ADAM19: variants seen among roughly 807,000 people sequenced by gnomAD.
The protein encoded by ADAM19 is disintegrin and metalloproteinase domain-containing protein 19.
In ADAM19, 65 loss-of-function variants were observed where a neutral mutation model predicts 114.7. That is an observed-to-expected ratio of 0.57 (90% CI 0.46 to 0.70). ADAM19 has a LOEUF of 0.70. Among genes scored for constraint, ADAM19 ranks in the 30% least tolerant of loss-of-function variants. The pLI is 0.00. For missense variants in ADAM19, 1,063 were observed against 1,204.7 expected (o/e 0.88, Z 1.74); for synonymous variants, 466 against 460.5 (o/e 1.01, Z -0.15).
intron 3 of ADAM19, among the ~76,000 whole-genome samples, chr5:157,561,210 G>A (rs551796613): frequency 1.3e-5 from 2 of 152,338 alleles, no homozygotes; most frequent in Admixed American, 1.3e-4. Flanking sequence ...GCTGCCGGCT[G>A]CCGCGCTATT....
At position 157,478,542 on chromosome 5, in the gene ADAM19, C is replaced by T. The variant is rs1754662281; in HGVS notation, c.*2407G>A. On this transcript the variant is annotated 3_prime_UTR_variant, in exon 23 of 23. Transcript: ENST00000257527. ...GAATAAGGTCTCTCCTTCCCTAAGC[C>T]CAGATTTATTTGTATTTGACACCTC... The T allele has an allele frequency of 1.0e-6, 1 of 983,398 alleles. No individual in the cohort carries two copies. Among genetic ancestry groups the T allele is most frequent in the Non-Finnish European group, 1.2e-6 (1 of 828,036 alleles). The allele number at this position is 983,398 out of a possible 1,614,324, so 60.9% of individuals were successfully genotyped here.
Position 157,513,468 on chromosome 5 carries a change from T to C in ADAM19, c.704A>G (p.His235Arg), listed in dbSNP as rs1561538281. 1 of 1,614,092 alleles carries C rather than the reference T, an allele frequency of 6.2e-7. No homozygotes were observed. The highest frequency in any genetic ancestry group is 2.2e-5 in the East Asian group (1 of 44,880). The change falls in exon 8 of 23, where the codon CAC becomes CGC. Residue 235 changes from histidine to arginine, a missense_variant. Physicochemically the swap from His to Arg is conservative, Grantham distance 29. This residue lies in a region of ADAM19 where 615 missense variants were observed against 706.3 expected (regional missense o/e 0.87). Transcript: ENST00000257527. ...ATAGTTGGCGATCTCTATGAGCTTG[T>C]GTTTGGTGGCGTCCTGGTCTCGTCG... ...KNRRDQDATKHKLIEIANYVD... is the reference protein window; with the variant it reads ...KNRRDQDATKRKLIEIANYVD...
rs1755837888 is a variant in ADAM19 at position 157,509,215 on chromosome 5, G to A, written c.905+86C>T. 3.6e-6 allele frequency: 5 copies of A among 1,393,958 alleles called. No individual in the cohort carries two copies. The South Asian group carries it at 4.8e-5, about 13-fold the overall frequency. 86.3% of individuals were successfully genotyped at this position (1,393,958 alleles called of 1,614,324 possible). On this transcript the variant is annotated intron_variant, in intron 9 of 22. Transcript: ENST00000257527. Reference sequence around the variant, plus strand: ...GAATGGCCTTGTACAACCAACACTCGCCATGGGGCAAACTCTGAGCATGTG... The same window carrying A: ...GAATGGCCTTGTACAACCAACACTCACCATGGGGCAAACTCTGAGCATGTG...
At chr5:157,550,302 A>G (rs1234125832) in intron 3 of ADAM19, among the ~76,000 whole-genome samples, 2 of 152,088 alleles carry the variant, frequency 1.3e-5, no homozygotes, top group Non-Finnish European at 2.9e-5. Context: ...GTGGTGGCAT[A>G]ACTCTAATCT....
rs763574862 is a variant in ADAM19 at position 157,494,712 on chromosome 5, C to G, written c.1678G>C (p.Gly560Arg). 3 of 1,613,670 alleles carry G rather than the reference C, an allele frequency of 1.9e-6. No homozygotes were observed. The highest frequency in any genetic ancestry group is 2.2e-5 in the South Asian group (2 of 91,056). The change falls in exon 15 of 23, where the codon GGT becomes CGT. Residue 560 changes from glycine to arginine, a missense_variant. By Grantham distance (125) the Gly-to-Arg change is moderately radical. Transcript: ENST00000257527. ...CTCATGTTGCACTTCCTGTGTTCACCATTCATGTCCTTTCCACAGTTTCCA... is the reference window on the plus strand; with the variant it reads ...CTCATGTTGCACTTCCTGTGTTCACGATTCATGTCCTTTCCACAGTTTCCA... ...TFGNCGKDMN[G>R]EHRKCNMRDA...
chr5:157,498,683 T>C (rs1488916921), intron 13 of ADAM19, among the ~76,000 whole-genome samples: 1 of 84,076 alleles, frequency 1.2e-5, no homozygotes, highest in African/African-American at 4.8e-5. Context: ...TACACATGTG[T>C]GTATGTATAT....
chr5:157,541,181 C>G (rs1470507847), intron 3 of ADAM19, among the ~76,000 whole-genome samples: 2 of 152,196 alleles, frequency 1.3e-5, no homozygotes, highest in Non-Finnish European at 2.9e-5. Context: ...GCCCCATTCT[C>G]TGACCACATC....
intron 3 of ADAM19, among the ~76,000 whole-genome samples, chr5:157,542,321 C>T (rs1207462473): frequency 1.3e-5 from 2 of 151,808 alleles, no homozygotes; most frequent in African/African-American, 4.8e-5. Context: ...TCCATTTGAG[C>T]AATTTTAACA....
At chr5:157,493,235 G>A (rs1755235972) in intron 15 of ADAM19, 58 bp from the exon 16 acceptor site, 1 of 1,575,636 alleles carries the variant, frequency 6.3e-7, no homozygotes, top group Non-Finnish European at 8.7e-7. Flanking sequence ...GAAGAGCTGG[G>A]GCACCAGAGA....
intron 16 of ADAM19, 149 bp from the exon 17 acceptor site, chr5:157,492,061 G>T: frequency 1.5e-6 from 1 of 665,014 alleles, no homozygotes; most frequent in South Asian, 1.7e-5. Context: ...GGAGGCTGAG[G>T]TGGGCGGATC....
At chr5:157,491,477 G>T in intron 18 of ADAM19, 138 bp downstream of exon 18, 1 of 648,112 alleles carries the variant, frequency 1.5e-6, no homozygotes, top group Non-Finnish European at 2.5e-6. Flanking sequence ...CTCTTGGTCT[G>T]TCTTTATCCT....
chr5:157,528,471 G>A (rs532744656), intron 5 of ADAM19, among the ~76,000 whole-genome samples: 1 of 152,320 alleles, frequency 6.6e-6, no homozygotes, highest in East Asian at 1.9e-4. Flanking sequence ...TTGTTTACTT[G>A]CAGACTGCAG....
chr5:157,570,861 C>A (rs927325399), intron 2 of ADAM19, 34 bp downstream of exon 2: 1 of 1,589,080 alleles, frequency 6.3e-7, no homozygotes, highest in African/African-American at 1.3e-5. Context: ...GTTGTCAACT[C>A]CTGCCAGTGT....
intron 8 of ADAM19, among the ~76,000 whole-genome samples, chr5:157,511,934 C>T (rs541363703): frequency 5.3e-5 from 8 of 152,188 alleles, no homozygotes; most frequent in East Asian, 3.9e-4. Flanking sequence ...TTGTCACCAG[C>T]GCCCTTGGTT....
At chr5:157,560,322 T>C (rs1165235061) in intron 3 of ADAM19, among the ~76,000 whole-genome samples, 1 of 141,332 alleles carries the variant, frequency 7.1e-6, no homozygotes, top group African/African-American at 2.6e-5. Context: ...CTTCAGAGCC[T>C]ATCCGGGGCC....
At position 157,492,210 on chromosome 5, in the gene ADAM19, T is replaced by G. The variant is rs980111657; in HGVS notation, c.1909-298A>C. ...GGGAAGCTGAGGCAGGAGAATTGCT[T>G]GAGCCTGGGAGACAGAGGTTGCAGT... is the stretch of plus-strand genomic sequence containing the variant. On this transcript the variant is annotated intron_variant, in intron 16 of 22. Transcript: ENST00000257527. 2.6e-5 allele frequency among the ~76,000 whole-genome samples: 4 copies of G among 152,200 alleles called. No individual in the cohort carries two copies. In the South Asian group the frequency reaches 6.2e-4, roughly 24 times the overall value.
intron 5 of ADAM19, among the ~76,000 whole-genome samples, chr5:157,520,563 C>T (rs2113742200): frequency 6.6e-6 from 1 of 152,328 alleles, no homozygotes; most frequent in Middle Eastern, 3.4e-3. Context: ...CTCCAACATT[C>T]AATTGTCACA....
intron 2 of ADAM19, among the ~76,000 whole-genome samples, chr5:157,565,748 G>C (rs1158273265): frequency 6.6e-6 from 1 of 151,216 alleles, no homozygotes; most frequent in Non-Finnish European, 1.5e-5. Flanking sequence ...GGAATGTGAG[G>C]CTGTTTGAAA....
intron 3 of ADAM19, among the ~76,000 whole-genome samples, chr5:157,563,121 C>A (rs1181929259): frequency 6.6e-6 from 1 of 152,094 alleles, no homozygotes. Flanking sequence ...AGGAAAAATC[C>A]AGGGCCAATA....
Sources: gnomAD v4.1 joint callset for allele counts (sites outside exome capture counted in the v4.1 genomes callset) on GRCh38, gnomAD v4.1.1 for gene constraint, gnomAD v4.1.1 regional missense constraint, MANE v1.5 for transcripts, NCBI Gene and HGNC (gene_info 2026-07-23, HGNC 2026-07-21) for gene names.